The following CCDC88C variants were observed in gnomAD, a reference collection of about 807,000 sequenced individuals.
CCDC88C encodes the protein protein Daple.
CCDC88C carries 131 observed loss-of-function variants against 198.8 expected under a neutral mutation model. That is an observed-to-expected ratio of 0.66 (90% confidence interval 0.57 to 0.76). The LOEUF (loss-of-function observed/expected upper bound fraction) is 0.76, where lower values mean the gene tolerates loss of function less well. Ranked by LOEUF, CCDC88C falls within the 30% of genes least tolerant of loss-of-function variation. The pLI, the probability that CCDC88C is intolerant of heterozygous loss-of-function variation, is 0.00. For missense variants in CCDC88C, 2,553 were observed against 2,631.6 expected (o/e 0.97, Z 0.65); for synonymous variants, 1,166 against 1,114.7 (o/e 1.05, Z -0.92).
chr14:91,337,062 C>G (rs1211777541), intron 10 of CCDC88C, among the ~76,000 whole-genome samples: 1 of 152,208 alleles, frequency 6.6e-6, no homozygotes, highest in African/African-American at 2.4e-5. Context: ...CTTCCAGCCC[C>G]CCTTGGAATA....
At chr14:91,353,532 G>A (rs903233315) in intron 4 of CCDC88C, among the ~76,000 whole-genome samples, 3 of 152,204 alleles carry the variant, frequency 2.0e-5, no homozygotes, top group Admixed American at 1.3e-4. Flanking sequence ...GTGAGCCTCT[G>A]GCTGAGGGGC....
In CCDC88C at chr14:91,288,378, CAAAGTGGTA is replaced by C. The variant is rs1454126048; in HGVS notation, c.4441+718_4441+726del. Among the ~76,000 whole-genome samples, 1 of 152,206 alleles carries C rather than the reference CAAAGTGGTA, an allele frequency of 6.6e-6. No homozygotes were observed. The highest frequency in any genetic ancestry group is 6.5e-5 in the Admixed American group (1 of 15,284). ...GCTGAAGAAGTCCTAACCCACCTTT[CAAAGTGGTA>C]ACAGATAAACCACCCAAGGCTTTCG... On this transcript the variant is annotated intron_variant, in intron 25 of 29. Coordinates refer to ENST00000389857, the MANE Select transcript of CCDC88C (RefSeq NM_001080414.4). The surrounding 1 kb of genome is among the most constrained non-coding windows in gnomAD (Gnocchi z 4.2).
At chr14:91,396,642 C>T (rs1349063536) in intron 3 of CCDC88C, among the ~76,000 whole-genome samples, 1 of 152,200 alleles carries the variant, frequency 6.6e-6, no homozygotes, top group Admixed American at 6.5e-5. Flanking sequence ...TCCGGAAGCA[C>T]AAATTCAGAC....
At position 91,303,837 on chromosome 14, in the gene CCDC88C, G is replaced by A; in HGVS notation, c.3499C>T (p.Leu1167=). ...QEQLTAAYEA[L]LQDHEHLGTL... is the part of the protein sequence containing the mutation. ...CCCAGGTGCTCGTGGTCCTGCAGCA[G>A]GGCCTCGTAGGCCGCTGTAAGTTGC... is the stretch of plus-strand genomic sequence containing the variant. The change falls in exon 20 of 30, where the codon CTG becomes TTG. Residue 1167 remains leucine, a synonymous_variant. Transcript: ENST00000389857. 1 of 1,613,260 alleles carries A rather than the reference G, an allele frequency of 6.2e-7. No individual in the cohort carries two copies. Among genetic ancestry groups the A allele is most frequent in the Non-Finnish European group, 8.5e-7 (1 of 1,179,900 alleles).
rs759631877 is a variant in CCDC88C at position 91,303,793 on chromosome 14, T to A, written c.3543A>T (p.Gln1181His). The A allele has an allele frequency of 6.2e-7, 1 of 1,611,704 alleles. No individual in the cohort carries two copies. Residue 1181 changes from glutamine (Q) to histidine (H), a missense_variant, in exon 20 of 30, where the codon CAA becomes CAT. By Grantham distance (24) the Gln-to-His change is conservative. This residue lies in a region of CCDC88C where 1,293 missense variants were observed against 1,219.6 expected (regional missense o/e 1.06). Transcript: ENST00000389857. ...GGATGAGGGCCTCGTACTCGGCCGA[T>A]TGCCGCTCGTGCAGCGTGCCCAGGT... ...HEHLGTLHERQSAEYEALIRQ... is the reference protein window; with the variant it reads ...HEHLGTLHERHSAEYEALIRQ...
chr14:91,404,449 G>A (rs1314323431), intron 3 of CCDC88C, among the ~76,000 whole-genome samples: 1 of 152,170 alleles, frequency 6.6e-6, no homozygotes, highest in Non-Finnish European at 1.5e-5. Context: ...CTAACCCATT[G>A]GTTCCAGTGG....
Position 91,339,610 on chromosome 14 carries a change from T to C in CCDC88C, c.625-148A>G. The C allele has an allele frequency of 2.2e-6, 2 of 895,500 alleles. No homozygotes were observed. Among genetic ancestry groups the C allele is most frequent in the South Asian group, 1.8e-5 (1 of 56,162 alleles). The allele number at this position is 895,500 out of a possible 1,614,324, so 55.5% of individuals were successfully genotyped here. ...GGAGGAAGGTGGGAAAAGGCTGGCA[T>C]GGGTTTTGAAAAGAGGTGAAATATT... is the stretch of plus-strand genomic sequence containing the variant. On this transcript the variant is annotated intron_variant, in intron 7 of 29. Transcript: ENST00000389857. This position sits in a 1 kb window ranked among gnomAD's most constrained non-coding sequence, Gnocchi z 5.8.
intron 21 of CCDC88C, among the ~76,000 whole-genome samples, chr14:91,299,438 C>T (rs1483927417): frequency 1.3e-5 from 2 of 152,206 alleles, no homozygotes; most frequent in African/African-American, 2.4e-5. Context: ...AGCGTGCTGT[C>T]GTGTGTGCCC....
intron 3 of CCDC88C, among the ~76,000 whole-genome samples, chr14:91,407,635 G>A (rs1886576385): frequency 6.6e-6 from 1 of 152,128 alleles, no homozygotes. Flanking sequence ...ATCATATGGG[G>A]GGAACGTTTC....
intron 10 of CCDC88C, among the ~76,000 whole-genome samples, chr14:91,332,980 C>T (rs1201417236): frequency 2.6e-5 from 4 of 152,204 alleles, no homozygotes; most frequent in African/African-American, 9.6e-5. Context: ...AGGGAATCCA[C>T]GAGTGAAGAG....
intron 4 of CCDC88C, among the ~76,000 whole-genome samples, chr14:91,355,393 A>G (rs921037461): frequency 1.3e-5 from 2 of 152,204 alleles, no homozygotes; most frequent in African/African-American, 4.8e-5. Context: ...GAGCCGTCAT[A>G]TAAAAGTGAG....
In CCDC88C at chr14:91,278,049, T is replaced by A. The variant is rs1890038482; in HGVS notation, c.4931A>T (p.Glu1644Val). 3 of 1,609,460 alleles carry A rather than the reference T, an allele frequency of 1.9e-6. No homozygotes were observed. The African/African-American group carries it at 4.0e-5, about 21-fold the overall frequency. Reference sequence around the variant, plus strand: ...GGCTGTGCCCCTCTTCTGGGCACCCTCCTGTGGGAGAGGCCCGTTCCGAGG... The same window carrying A: ...GGCTGTGCCCCTCTTCTGGGCACCCACCTGTGGGAGAGGCCCGTTCCGAGG... ...PLPRNGPLPQEGAQKRGTAPP... is the reference protein window; with the variant it reads ...PLPRNGPLPQVGAQKRGTAPP... Residue 1644 changes from glutamate to valine, a missense_variant, in exon 29 of 30, where the codon GAG becomes GTG. Glu to Val is a moderately radical substitution (Grantham distance 121). Coordinates refer to ENST00000389857, the MANE Select transcript of CCDC88C (RefSeq NM_001080414.4).
rs533658106 is a variant in CCDC88C, at chr14:91,289,041, C to T, written c.4441+64G>A. 4.3e-4 allele frequency: 581 copies of T among 1,347,906 alleles called. 5 individuals are homozygous for T. In the Middle Eastern group the frequency reaches 6.6e-3, roughly 15 times the overall value. 83.5% of individuals were successfully genotyped at this position (1,347,906 alleles called of 1,614,324 possible). On this transcript the variant is annotated intron_variant, in intron 25 of 29. Coordinates refer to ENST00000389857, the MANE Select transcript of CCDC88C (RefSeq NM_001080414.4). ...TTCCTGCACACGTGTGCACAGCCAC[C>T]GGTGCGGGACCCTTCAGGACACCCC...
intron 3 of CCDC88C, among the ~76,000 whole-genome samples, chr14:91,394,802 C>G (rs187263716): frequency 3.9e-5 from 6 of 152,334 alleles, no homozygotes; most frequent in Non-Finnish European, 8.8e-5. Context: ...GGGCTAGAGA[C>G]AGGCACACGT....
intron 23 of CCDC88C, among the ~76,000 whole-genome samples, chr14:91,293,181 T>C (rs79087780): frequency 1.1e-3 from 41 of 36,634 alleles, no homozygotes; most frequent in South Asian, 3.7e-3. Flanking sequence ...CATCCTCACC[T>C]GCCACAGCTC....
In CCDC88C at chr14:91,339,835, G is replaced by A. The variant is rs981168341; in HGVS notation, c.624+49C>T. ...AAGATGAAGGGAGAGGAGATGAAGG[G>A]GCCTAAGCCCCTTCCCAGGCTGACC... On this transcript the variant is annotated intron_variant, in intron 7 of 29. Coordinates refer to ENST00000389857, the MANE Select transcript of CCDC88C (RefSeq NM_001080414.4). The surrounding 1 kb of genome is among the most constrained non-coding windows in gnomAD (Gnocchi z 5.8). 1.3e-6 allele frequency: 2 copies of A among 1,531,428 alleles called. No individual in the cohort carries two copies. Among genetic ancestry groups the A allele is most frequent in the Non-Finnish European group, 1.8e-6 (2 of 1,137,428 alleles). 94.9% of individuals were successfully genotyped at this position (1,531,428 alleles called of 1,614,324 possible).
At chr14:91,306,844 C>T (rs1318004541) in intron 18 of CCDC88C, among the ~76,000 whole-genome samples, 194 bp downstream of exon 18, 1 of 152,208 alleles carries the variant, frequency 6.6e-6, no homozygotes, top group Non-Finnish European at 1.5e-5. Flanking sequence ...TGTGTGTGCC[C>T]CTGATGTGAG....
Position 91,413,038 on chromosome 14 carries a change from T to C in CCDC88C, c.161+3700A>G, listed in dbSNP as rs545844080. Among the ~76,000 whole-genome samples the C allele has an allele frequency of 6.6e-5, 10 of 152,280 alleles. No individual in the cohort carries two copies. In the South Asian group the frequency reaches 2.1e-3, roughly 32 times the overall value. ...TCTAACCTATGAATAATTAACACAGTATCCTGAATTTTGCAGCTAGCACCA... is the reference window on the plus strand; with the variant it reads ...TCTAACCTATGAATAATTAACACAGCATCCTGAATTTTGCAGCTAGCACCA... On this transcript the variant is annotated intron_variant, in intron 2 of 29. Transcript: ENST00000389857.
At chr14:91,326,201 C>CTTT in intron 10 of CCDC88C, 145 bp from the exon 11 acceptor site, 3 of 567,368 alleles carry the variant, frequency 5.3e-6, no homozygotes, top group Middle Eastern at 3.7e-4. Flanking sequence ...TTTTCCTCTA[C>CTTT]TTTTTTTTTT....
Sources: gnomAD v4.1 joint callset for allele counts (sites outside exome capture counted in the v4.1 genomes callset) on GRCh38, gnomAD v4.1.1 for gene constraint, gnomAD v4.1.1 regional missense constraint, Gnocchi (gnomAD v3.1) non-coding constraint, MANE v1.5 for transcripts, NCBI Gene and HGNC (gene_info 2026-07-23, HGNC 2026-07-21) for gene names.